DLG1: variants seen among roughly 807,000 people sequenced by gnomAD.
DLG1 encodes the protein discs large MAGUK scaffold protein 1.
A neutral mutation model predicts 123.4 loss-of-function variants in DLG1; 42 were observed. The observed-to-expected ratio is 0.34, with a 90% CI of 0.27 to 0.44. The LOEUF (loss-of-function observed/expected upper bound fraction) is 0.44, where lower values mean the gene tolerates loss of function less well. Ranked by LOEUF, DLG1 falls within the 20% of genes least tolerant of loss-of-function variation. The probability of loss-of-function intolerance (pLI) is 1.00; values close to 1 mark genes in which losing one functional copy is unlikely to be tolerated. For missense variants in DLG1, 942 were observed against 1,082.6 expected (o/e 0.87, Z 1.82); for synonymous variants, 317 against 356.2 (o/e 0.89, Z 1.24).
At chr3:197,082,807 A>C (rs1751989337) in intron 16 of DLG1, among the ~76,000 whole-genome samples, 1 of 152,218 alleles carries the variant, frequency 6.6e-6, no homozygotes, top group Non-Finnish European at 1.5e-5. Context: ...AGAGGTCTCA[A>C]GATATCTTTC....
At chr3:197,056,163 G>A (rs1053930990) in intron 23 of DLG1, among the ~76,000 whole-genome samples, 1 of 152,156 alleles carries the variant, frequency 6.6e-6, no homozygotes, top group Non-Finnish European at 1.5e-5. Context: ...ACAGAGATCC[G>A]AAATAGTAAC....
chr3:197,115,655 G>C (rs565686037), intron 13 of DLG1, among the ~76,000 whole-genome samples: 1 of 152,248 alleles, frequency 6.6e-6, no homozygotes, highest in South Asian at 2.1e-4. Context: ...TAACAAACTT[G>C]AGTTAATAGA....
intron 23 of DLG1, among the ~76,000 whole-genome samples, chr3:197,059,633 C>CCACTAGTCA (rs1734381847): frequency 6.6e-6 from 1 of 151,806 alleles, no homozygotes; most frequent in Non-Finnish European, 1.5e-5. Context: ...ACTTCAGTAG[C>CCACTAGTCA]CACTAGTCAC....
intron 6 of DLG1, among the ~76,000 whole-genome samples, chr3:197,145,055 T>TCTCACA (rs1553956085): frequency 0.01 from 1,512 of 148,704 alleles, 12 homozygotes; most frequent in Non-Finnish European, 0.013. Flanking sequence ...TCTCTCTCTC[T>TCTCACA]CACACACACA....
chr3:197,247,105 G>A (rs774975844), intron 4 of DLG1, among the ~76,000 whole-genome samples: 51 of 152,182 alleles, frequency 3.4e-4, no homozygotes, highest in Non-Finnish European at 5.1e-4. Context: ...CTAGTTAAGG[G>A]ACCATTAACA....
At chr3:197,082,005 A>T (rs928587391) in intron 16 of DLG1, among the ~76,000 whole-genome samples, 1 of 152,206 alleles carries the variant, frequency 6.6e-6, no homozygotes, top group African/African-American at 2.4e-5. Flanking sequence ...GAATAAATGA[A>T]TTTTATTTTT....
chr3:197,072,804 T>C (rs970941884), intron 18 of DLG1, among the ~76,000 whole-genome samples: 2 of 152,172 alleles, frequency 1.3e-5, no homozygotes, highest in Non-Finnish European at 2.9e-5. Context: ...GTGATTCTCC[T>C]GCCTCAGCCT....
intron 5 of DLG1, among the ~76,000 whole-genome samples, chr3:197,155,135 C>T (rs1281857106): frequency 6.6e-6 from 1 of 152,140 alleles, no homozygotes; most frequent in African/African-American, 2.4e-5. Context: ...TATACTAGAA[C>T]TGTCAAAGGC....
chr3:197,243,838 C>T (rs1750223813), intron 4 of DLG1, among the ~76,000 whole-genome samples: 1 of 152,126 alleles, frequency 6.6e-6, no homozygotes, highest in African/African-American at 2.4e-5. Flanking sequence ...AAATTCATTT[C>T]GTACCCCTCG....
intron 13 of DLG1, among the ~76,000 whole-genome samples, chr3:197,114,987 GAAAAAAAAAAA>G (rs375841391): frequency 4.6e-5 from 4 of 86,076 alleles, no homozygotes; most frequent in African/African-American, 2.0e-4. Context: ...CCATCTCAAG[GAAAAAAAAAAA>G]AAAAAAAAAA....
Position 197,042,981 on chromosome 3 carries a change from G to A in DLG1, c.*1642C>T, listed in dbSNP as rs769208329. 6.6e-6 allele frequency: 1 copy of A among 152,146 alleles called. No individual in the cohort carries two copies. Among genetic ancestry groups the A allele is most frequent in the Non-Finnish European group, 1.5e-5 (1 of 68,036 alleles). 9.4% of individuals were successfully genotyped at this position (152,146 alleles called of 1,614,324 possible). A position where few individuals can be genotyped will look rare whatever the true frequency, so the allele number is the denominator to read the frequency against. ...TCTCCTCTTCTTCATAAATGGAATG[G>A]ATAATGTTGATAATTCTTTACAAAC... On this transcript the variant is annotated 3_prime_UTR_variant, in exon 25 of 25. Transcript: ENST00000667157.
At chr3:197,065,678 CAATT>C (rs1397860462) in intron 21 of DLG1, 26 bp downstream of exon 21, 5 of 1,445,710 alleles carry the variant, frequency 3.5e-6, no homozygotes, top group Admixed American at 1.8e-5. Context: ...TTAAGAGTAA[CAATT>C]AAATGTTTTT....
intron 14 of DLG1, among the ~76,000 whole-genome samples, chr3:197,104,414 G>C (rs534805895): frequency 6.6e-6 from 1 of 152,296 alleles, no homozygotes; most frequent in South Asian, 2.1e-4. Context: ...GGGTGCAGTG[G>C]CTCACACCGG....
intron 5 of DLG1, among the ~76,000 whole-genome samples, chr3:197,190,375 ACTGAAGTC>A (rs548630779): frequency 1.2e-3 from 181 of 152,168 alleles, no homozygotes; most frequent in African/African-American, 4.1e-3. Context: ...ATCCTCACAT[ACTGAAGTC>A]CTGAAGTCAG....
At chr3:197,073,161 C>T (rs149464905) in intron 18 of DLG1, among the ~76,000 whole-genome samples, 119 of 152,284 alleles carry the variant, frequency 7.8e-4, no homozygotes, top group African/African-American at 2.7e-3. Context: ...ACATCTTATT[C>T]GTAATGCAAA....
chr3:197,212,511 G>A (rs533487983), intron 4 of DLG1, among the ~76,000 whole-genome samples: 5 of 152,286 alleles, frequency 3.3e-5, no homozygotes, highest in Middle Eastern at 3.4e-3. Flanking sequence ...AATCTGTTCC[G>A]TGCCTCTCTT....
In DLG1 at chr3:197,271,172, C is replaced by T. The variant is rs577012963; in HGVS notation, c.318+11507G>A. On this transcript the variant is annotated intron_variant, in intron 4 of 24. Transcript: ENST00000667157. ...CCAGGAACACTTCATGCCTGTGGCC[C>T]CCAGTCCACATCTCCTCCTCTCACC... Among the ~76,000 whole-genome samples the T allele has an allele frequency of 1.8e-3, 268 of 152,244 alleles. 2 individuals carry two copies. Among genetic ancestry groups the T allele is most frequent in the African/African-American group, 6.0e-3 (250 of 41,544 alleles).
chr3:197,199,264 T>C lies in DLG1; in HGVS notation c.319-4675A>G, dbSNP rs77358760. 4.6e-5 allele frequency among the ~76,000 whole-genome samples: 7 copies of C among 152,310 alleles called. No individual in the cohort carries two copies. The East Asian group carries it at 1.3e-3, about 29-fold the overall frequency. On this transcript the variant is annotated intron_variant, in intron 4 of 24. Transcript: ENST00000667157. ...GTTACCAAAACTAAAGTCTATTCTCTATTATAGGTTGAGCATCCCTAATCT... is the reference window on the plus strand; with the variant it reads ...GTTACCAAAACTAAAGTCTATTCTCCATTATAGGTTGAGCATCCCTAATCT...
intron 4 of DLG1, among the ~76,000 whole-genome samples, chr3:197,233,893 C>A (rs1328480000): frequency 1.3e-5 from 2 of 152,192 alleles, no homozygotes; most frequent in Non-Finnish European, 1.5e-5. Flanking sequence ...TCTCCATGTT[C>A]AAGGAAACTA....
Sources: gnomAD v4.1 joint callset for allele counts (sites outside exome capture counted in the v4.1 genomes callset) on GRCh38, gnomAD v4.1.1 for gene constraint, MANE v1.5 for transcripts, NCBI Gene and HGNC (gene_info 2026-07-23, HGNC 2026-07-21) for gene names.